Variants in CTNNA3 observed in about 807,000 individuals in gnomAD.
CTNNA3 encodes the protein catenin alpha-3.
Under a neutral mutation model 95.7 loss-of-function variants are expected in CTNNA3, and 76 were observed. The observed-to-expected ratio is 0.79, with a 90% CI of 0.66 to 0.96. The LOEUF (loss-of-function observed/expected upper bound fraction) is 0.96. CTNNA3 is among the 40% of genes least tolerant of loss of function. The probability of loss-of-function intolerance (pLI) is 0.00; values close to 1 mark genes in which losing one functional copy is unlikely to be tolerated. For missense variants in CTNNA3, 1,191 were observed against 1,089.8 expected, an observed-to-expected ratio of 1.09 and a Z score of -1.31; for synonymous variants, 431 against 374.4, an observed-to-expected ratio of 1.15 and a Z score of -1.74.
At chr10:67,375,668 C>T (rs1843660728) in intron 5 of CTNNA3, among the ~76,000 whole-genome samples, 1 of 152,018 alleles carries the variant, frequency 6.6e-6, no homozygotes, top group Non-Finnish European at 1.5e-5. Context: ...CACTAAATGT[C>T]AATAGTGCCA....
intron 7 of CTNNA3, among the ~76,000 whole-genome samples, chr10:66,838,314 A>T (rs1013595522): frequency 2.0e-5 from 3 of 152,144 alleles, no homozygotes; most frequent in Admixed American, 2.0e-4. Flanking sequence ...TGATTCATGT[A>T]TAAACAATTT....
chr10:67,005,692 T>TTTTTTTTTTTTTTTTTTTTTTTTG (rs1851939697), intron 7 of CTNNA3, among the ~76,000 whole-genome samples: 1 of 123,098 alleles, frequency 8.1e-6, no homozygotes, highest in Non-Finnish European at 1.7e-5. Flanking sequence ...CTTTTTTTTT[T>TTTTTTTTTTTTTTTTTTTTTTTTG]TTTTTTTTTT....
At chr10:67,613,893 G>T (rs570947461) in intron 2 of CTNNA3, among the ~76,000 whole-genome samples, 15 of 152,296 alleles carry the variant, frequency 9.8e-5, no homozygotes, top group Admixed American at 8.5e-4. Context: ...CCCGGAGTTG[G>T]TTCCTTCTGG....
intron 11 of CTNNA3, among the ~76,000 whole-genome samples, chr10:66,382,566 G>A (rs1589167085): frequency 6.6e-6 from 1 of 152,192 alleles, no homozygotes; most frequent in East Asian, 1.9e-4. Flanking sequence ...CAGCTATGAA[G>A]AGAGCAGTGG....
intron 10 of CTNNA3, among the ~76,000 whole-genome samples, chr10:66,601,364 C>T (rs1486474236): frequency 2.6e-5 from 4 of 151,904 alleles, no homozygotes; most frequent in Admixed American, 6.6e-5. Context: ...GCTATAAGTA[C>T]AGTTATTTTA....
intron 1 of CTNNA3, among the ~76,000 whole-genome samples, chr10:67,727,816 CATAT>C (rs1841247985): frequency 8.0e-6 from 1 of 125,720 alleles, no homozygotes; most frequent in African/African-American, 3.1e-5. Context: ...TATTATATAT[CATAT>C]ATTATATTAC....
chr10:67,289,225 A>G (rs1161698369), intron 5 of CTNNA3, among the ~76,000 whole-genome samples: 1 of 152,166 alleles, frequency 6.6e-6, no homozygotes, highest in East Asian at 1.9e-4. Flanking sequence ...ACTGTACTAT[A>G]TGAGTCAGGA....
chr10:66,556,621 T>C (rs964105850), intron 10 of CTNNA3, among the ~76,000 whole-genome samples: 1 of 151,878 alleles, frequency 6.6e-6, no homozygotes. Context: ...TGAAGACATA[T>C]ACAGAAAGCA....
intron 7 of CTNNA3, among the ~76,000 whole-genome samples, chr10:66,953,408 G>A (rs1848637225): frequency 6.6e-6 from 1 of 152,118 alleles, no homozygotes; most frequent in Non-Finnish European, 1.5e-5. Flanking sequence ...ATGAATCAAG[G>A]AGGTTTATTT....
intron 13 of CTNNA3, among the ~76,000 whole-genome samples, chr10:66,198,991 C>A (rs1239801761): frequency 1.3e-5 from 2 of 152,142 alleles, no homozygotes; most frequent in Non-Finnish European, 2.9e-5. Flanking sequence ...GTGTGAGTAG[C>A]CAGCACTTGA....
Position 66,347,078 on chromosome 10 carries a change from T to A in CTNNA3, c.1732+32074A>T, listed in dbSNP as rs189970258. On this transcript the variant is annotated intron_variant, in intron 12 of 17. Coordinates refer to ENST00000433211, the MANE Select transcript of CTNNA3 (RefSeq NM_013266.4). ...GAGTGATCTAATATAGTATTTCTCT[T>A]TCTTTGTCTATAGATAGAGATATGG... Among the ~76,000 whole-genome samples, 10 of 152,236 alleles carry A rather than the reference T, an allele frequency of 6.6e-5. No homozygotes were observed. The East Asian group carries it at 1.9e-3, about 29-fold the overall frequency.
rs180887270 is a variant in CTNNA3 at position 66,285,934 on chromosome 10, T to C, written c.1733-5313A>G. Among the ~76,000 whole-genome samples, 147 of 152,080 alleles carry C rather than the reference T, an allele frequency of 9.7e-4. 1 individual carries two copies. Among genetic ancestry groups the C allele is most frequent in the African/African-American group, 3.4e-3 (143 of 41,540 alleles). On this transcript the variant is annotated intron_variant, in intron 12 of 17. Transcript: ENST00000433211. ...ATTAAATTTTTTTCTATGTAAGTTG[T>C]ATATGGAATTATTCATTCTCATTGC...
intron 5 of CTNNA3, among the ~76,000 whole-genome samples, chr10:67,434,899 CT>C (rs977485752): frequency 2.0e-5 from 3 of 151,994 alleles, no homozygotes; most frequent in Non-Finnish European, 4.4e-5. Flanking sequence ...CACATTCCCT[CT>C]ATCTTCAATC....
intron 13 of CTNNA3, among the ~76,000 whole-genome samples, chr10:66,279,330 CT>C (rs1480013605): frequency 6.6e-6 from 1 of 152,034 alleles, no homozygotes; most frequent in African/African-American, 2.4e-5. Context: ...TACAGACTTA[CT>C]AACAGTTAAG....
chr10:67,392,290 C>A (rs1046514980), intron 5 of CTNNA3, among the ~76,000 whole-genome samples: 6 of 152,196 alleles, frequency 3.9e-5, no homozygotes, highest in Admixed American at 3.3e-4. Context: ...ATTCAGCCAA[C>A]AGACACGTGA....
At position 66,849,916 on chromosome 10, in the gene CTNNA3, C is replaced by A. The variant is rs535880763; in HGVS notation, c.1048-74392G>T. Among the ~76,000 whole-genome samples the A allele has an allele frequency of 2.0e-5, 3 of 150,872 alleles. No homozygotes were observed. In the South Asian group the frequency reaches 6.3e-4, roughly 32 times the overall value. The stretch of plus-strand genomic sequence containing the variant: ...ATCTTTTGAAAGCTTAAATTTTTTA[C>A]TTTCAACATTCTTACATAGCCATGA... On this transcript the variant is annotated intron_variant, in intron 7 of 17. Transcript: ENST00000433211.
intron 3 of CTNNA3, among the ~76,000 whole-genome samples, chr10:67,593,346 G>A (rs1332513790): frequency 2.0e-5 from 3 of 152,044 alleles, no homozygotes; most frequent in Non-Finnish European, 4.4e-5. Flanking sequence ...AATTGCTTTA[G>A]GCAGTATGGC....
In CTNNA3 at chr10:67,375,149, T is replaced by C. The variant is rs1192699520; in HGVS notation, c.579+146693A>G. Among the ~76,000 whole-genome samples the C allele has an allele frequency of 2.0e-5, 3 of 152,230 alleles. No individual in the cohort carries two copies. In the East Asian group the frequency reaches 5.8e-4, roughly 29 times the overall value. On this transcript the variant is annotated intron_variant, in intron 5 of 17. Transcript: ENST00000433211. Reference sequence around the variant, plus strand: ...AAGAGCACAGAGACATCAGAGGATCTAGTTTCTTATCCTAACTCTACCACT... The same window carrying C: ...AAGAGCACAGAGACATCAGAGGATCCAGTTTCTTATCCTAACTCTACCACT...
At chr10:66,251,781 A>G (rs1360545964) in intron 13 of CTNNA3, among the ~76,000 whole-genome samples, 1 of 152,222 alleles carries the variant, frequency 6.6e-6, no homozygotes, top group Non-Finnish European at 1.5e-5. Flanking sequence ...TAATAAGATA[A>G]TAACTATTAA....
Sources: allele counts gnomAD v4.1 joint callset (sites outside exome capture counted in the v4.1 genomes callset), GRCh38; gene constraint gnomAD v4.1.1; transcripts MANE v1.5; gene names NCBI Gene and HGNC (gene_info 2026-07-23, HGNC 2026-07-21).